Variants in TIAM1 observed in about 807,000 individuals in gnomAD.
The protein encoded by TIAM1 is rho guanine nucleotide exchange factor TIAM1.
A neutral mutation model predicts 163.5 loss-of-function variants in TIAM1; 65 were observed. The observed-to-expected ratio is 0.40, with a 90% CI of 0.33 to 0.49. The LOEUF (loss-of-function observed/expected upper bound fraction) is 0.49. TIAM1 is among the 20% of genes least tolerant of loss of function. The pLI, the probability that TIAM1 is intolerant of heterozygous loss-of-function variation, is 0.77. For missense variants in TIAM1, 1,789 were observed against 2,044.7 expected, an observed-to-expected ratio of 0.87 and a Z score of 2.41; for synonymous variants, 833 against 810.1, an observed-to-expected ratio of 1.03 and a Z score of -0.48.
rs34844399 is a variant in TIAM1 at position 31,438,179 on chromosome 21, C to CTTTTTTTTTTTTTTT, written c.-369+25789_-369+25803dup. On this transcript the variant is annotated intron_variant, in intron 2 of 28. Transcript: ENST00000286827. ...ACATATGTAATTGCGTATTTGTGAT[C>CTTTTTTTTTTTTTTT]TTTTTTTTTTTTTTTTTTTTTTTTT... Among the ~76,000 whole-genome samples the CTTTTTTTTTTTTTTT allele has an allele frequency of 2.7e-4, 17 of 62,720 alleles. 2 individuals carry two copies. Among genetic ancestry groups the CTTTTTTTTTTTTTTT allele is most frequent in the African/African-American group, 1.1e-3 (16 of 14,290 alleles). 41.1% of individuals were successfully genotyped at this position (62,720 alleles called of 152,430 possible).
At chr21:31,358,822 T>C (rs2076357056) in intron 2 of TIAM1, among the ~76,000 whole-genome samples, 3 of 152,160 alleles carry the variant, frequency 2.0e-5, no homozygotes. Flanking sequence ...TGGGGATCCT[T>C]TTAAAGTATA....
intron 1 of TIAM1, among the ~76,000 whole-genome samples, chr21:31,544,858 A>G (rs954660263): frequency 1.4e-4 from 21 of 151,538 alleles, no homozygotes; most frequent in Non-Finnish European, 1.3e-4. Flanking sequence ...CTAAAAATAC[A>G]AAAAATTAGC....
At chr21:31,148,004 CAAAAAAAAAAA>C (rs34410316) in intron 19 of TIAM1, among the ~76,000 whole-genome samples, 8 of 63,806 alleles carry the variant, frequency 1.3e-4, no homozygotes, top group Admixed American at 2.4e-4. Context: ...TGTCCATGAC[CAAAAAAAAAAA>C]AAAAAAAAAA....
chr21:31,258,979 C>T (rs926863813), intron 4 of TIAM1, among the ~76,000 whole-genome samples: 1 of 152,070 alleles, frequency 6.6e-6, no homozygotes, highest in African/African-American at 2.4e-5. Flanking sequence ...CCTGTCAGGC[C>T]TTTAGGGCAG....
At chr21:31,304,189 A>G (rs905206641) in intron 2 of TIAM1, among the ~76,000 whole-genome samples, 10 of 152,198 alleles carry the variant, frequency 6.6e-5, no homozygotes, top group Non-Finnish European at 1.3e-4. Flanking sequence ...TCTTTTTCCA[A>G]TTTCCTCAGA....
chr21:31,165,742 T>C (rs2084179535), intron 15 of TIAM1, among the ~76,000 whole-genome samples: 3 of 151,916 alleles, frequency 2.0e-5, no homozygotes, highest in African/African-American at 7.2e-5. Context: ...AATTAGCAAA[T>C]TGATGAATTA....
intron 2 of TIAM1, among the ~76,000 whole-genome samples, chr21:31,294,649 A>G (rs1396364415): frequency 2.6e-5 from 4 of 152,220 alleles, no homozygotes; most frequent in Non-Finnish European, 5.9e-5. Context: ...ATGTAAAGAG[A>G]AAAAACATGA....
intron 2 of TIAM1, among the ~76,000 whole-genome samples, chr21:31,430,228 ATATATATAT>A (rs1569324311): frequency 2.9e-4 from 16 of 55,500 alleles, no homozygotes; most frequent in African/African-American, 1.5e-3. Flanking sequence ...AAAAAAAAAT[ATATATATAT>A]ATATATATAT....
intron 1 of TIAM1, among the ~76,000 whole-genome samples, chr21:31,496,337 A>G (rs955754276): frequency 1.3e-5 from 2 of 150,546 alleles, no homozygotes; most frequent in Non-Finnish European, 3.0e-5. Context: ...CAAAAATACA[A>G]AAATTAGCTG....
At chr21:31,558,099 C>A (rs1000692115) in intron 1 of TIAM1, among the ~76,000 whole-genome samples, 21 of 152,176 alleles carry the variant, frequency 1.4e-4, no homozygotes, top group African/African-American at 5.1e-4. Flanking sequence ...GGGCGCACGG[C>A]GCGCTGCTCT....
chr21:31,267,007 G>A, intron 3 of TIAM1, 24 bp from the exon 4 acceptor site: 1 of 1,566,716 alleles, frequency 6.4e-7, no homozygotes, highest in East Asian at 2.3e-5. Flanking sequence ...GGGGGAAAGG[G>A]GAGAATTGAG....
chr21:31,479,743 C>T (rs188762767), intron 1 of TIAM1, among the ~76,000 whole-genome samples: 3 of 152,254 alleles, frequency 2.0e-5, no homozygotes, highest in Admixed American at 6.5e-5. Flanking sequence ...AGAAACAGTA[C>T]CTGTAAGTGC....
At chr21:31,268,674 T>C (rs1426821893) in intron 3 of TIAM1, among the ~76,000 whole-genome samples, 3 of 152,158 alleles carry the variant, frequency 2.0e-5, no homozygotes, top group Admixed American at 6.5e-5. Flanking sequence ...TTCAAAGCAA[T>C]ATGTTCACGC....
chr21:31,282,418 T>A (rs77148655), intron 2 of TIAM1, among the ~76,000 whole-genome samples: 7,729 of 152,304 alleles, frequency 0.051, 462 homozygotes, highest in African/African-American at 0.14. Context: ...CAGTGTTCCT[T>A]CCAGGAAATT....
chr21:31,417,425 T>C (rs2043410234), intron 2 of TIAM1, among the ~76,000 whole-genome samples: 3 of 152,234 alleles, frequency 2.0e-5, no homozygotes. Context: ...ACGCCTTACA[T>C]GGTGGCAGGC....
At chr21:31,502,752 G>A (rs1054190316) in intron 1 of TIAM1, among the ~76,000 whole-genome samples, 2 of 152,158 alleles carry the variant, frequency 1.3e-5, no homozygotes, top group African/African-American at 2.4e-5. Flanking sequence ...TTTACAATCA[G>A]ATCCTAATGA....
At chr21:31,153,840 C>A (rs1475604918) in intron 17 of TIAM1, among the ~76,000 whole-genome samples, 3 of 151,862 alleles carry the variant, frequency 2.0e-5, no homozygotes, top group African/African-American at 4.8e-5. Flanking sequence ...GTGGGAGGAT[C>A]GCTTGAGCCC....
intron 1 of TIAM1, among the ~76,000 whole-genome samples, chr21:31,471,085 G>A (rs1262746904): frequency 6.6e-6 from 1 of 152,214 alleles, no homozygotes; most frequent in Non-Finnish European, 1.5e-5. Flanking sequence ...ATCTCATCGT[G>A]TTGTTCTGAA....
rs73345637 is a variant in TIAM1 at position 31,511,950 on chromosome 21, G to A, written c.-422+46977C>T. 4.0e-3 allele frequency among the ~76,000 whole-genome samples: 613 copies of A among 152,284 alleles called. 2 individuals are homozygous for A. The highest frequency in any genetic ancestry group is 0.014 in the African/African-American group (594 of 41,558). The stretch of plus-strand genomic sequence containing the variant: ...GAGACACCATCTCAGCCATGGGCAC[G>A]AAGGAGAGTGGCAGGTTAGGGTCAA... On this transcript the variant is annotated intron_variant, in intron 1 of 28. Coordinates refer to the TIAM1 transcript ENST00000286827.
Sources: gnomAD v4.1 joint callset for allele counts (sites outside exome capture counted in the v4.1 genomes callset) on GRCh38, gnomAD v4.1.1 for gene constraint, MANE v1.5 for transcripts, NCBI Gene and HGNC (gene_info 2026-07-23, HGNC 2026-07-21) for gene names.